AKAP6: variants seen among roughly 807,000 people sequenced by gnomAD.
The protein encoded by AKAP6 is A-kinase anchor protein 6.
Under a neutral mutation model 188.5 loss-of-function variants are expected in AKAP6, and 58 were observed. The ratio of observed to expected loss-of-function variants is 0.31; its 90% CI spans 0.25 to 0.38. The LOEUF (loss-of-function observed/expected upper bound fraction) is 0.38. AKAP6 is among the 10% of genes least tolerant of loss of function. The probability of loss-of-function intolerance (pLI) is 1.00; values close to 1 mark genes in which losing one functional copy is unlikely to be tolerated. For missense variants in AKAP6, 2,710 were observed against 2,740.0 expected, an observed-to-expected ratio of 0.99 and a Z score of 0.24; for synonymous variants, 989 against 998.6, an observed-to-expected ratio of 0.99 and a Z score of 0.18.
chr14:32,579,302 A>G (rs1467202392), intron 5 of AKAP6, among the ~76,000 whole-genome samples: 4 of 152,234 alleles, frequency 2.6e-5, no homozygotes, highest in Admixed American at 2.6e-4. Context: ...TTCTTAAGAT[A>G]TTTATTTCTT....
At chr14:32,602,245 AC>A (rs1885957181) in intron 7 of AKAP6, among the ~76,000 whole-genome samples, 1 of 152,062 alleles carries the variant, frequency 6.6e-6, no homozygotes, top group Admixed American at 6.6e-5. Flanking sequence ...ACAGTTAAAA[AC>A]TTGTTGTAGG....
Position 32,833,954 on chromosome 14 carries a change from G to A in AKAP6, c.*4149G>A, listed in dbSNP as rs1023340117. 1 of 151,996 alleles carries A rather than the reference G, an allele frequency of 6.6e-6. No individual in the cohort carries two copies. The highest frequency in any genetic ancestry group is 1.9e-4 in the East Asian group (1 of 5,194). 9.4% of individuals were successfully genotyped at this position (151,996 alleles called of 1,614,324 possible). A position where few individuals can be genotyped will look rare whatever the true frequency, so the allele number is the denominator to read the frequency against. On this transcript the variant is annotated 3_prime_UTR_variant, in exon 14 of 14. Transcript: ENST00000280979. ...ATTTCACCATATTTACTTCATCTCTGTATACACACACACTTTTTTGTATGA... is the reference window on the plus strand; with the variant it reads ...ATTTCACCATATTTACTTCATCTCTATATACACACACACTTTTTTGTATGA...
At chr14:32,537,791 T>C (rs1191928074) in intron 3 of AKAP6, among the ~76,000 whole-genome samples, 2 of 152,230 alleles carry the variant, frequency 1.3e-5, no homozygotes, top group Non-Finnish European at 2.9e-5. Flanking sequence ...TGGAATACAT[T>C]CATCATACAC....
intron 1 of AKAP6, among the ~76,000 whole-genome samples, chr14:32,429,788 T>C (rs1414991204): frequency 1.3e-5 from 2 of 152,260 alleles, no homozygotes; most frequent in Non-Finnish European, 2.9e-5. Flanking sequence ...ACATAGCATC[T>C]AGTTAGAAGT....
chr14:32,695,872 T>A, intron 8 of AKAP6, 118 bp from the exon 9 acceptor site: 2 of 1,268,392 alleles, frequency 1.6e-6, no homozygotes, highest in Non-Finnish European at 2.1e-6. Context: ...AATTTTCTCT[T>A]CTCTTATTGT....
At chr14:32,346,665 C>T (rs10137673) in intron 1 of AKAP6, among the ~76,000 whole-genome samples, 82 of 152,276 alleles carry the variant, frequency 5.4e-4, no homozygotes, top group African/African-American at 1.6e-3. Context: ...CCCGCCACCG[C>T]GCCTGGCTAA....
rs1210286427 is a variant in AKAP6 at position 32,545,775 on chromosome 14, A to G, written c.1122A>G (p.Arg374=). 1.2e-6 allele frequency: 2 copies of G among 1,614,218 alleles called. No individual in the cohort carries two copies. The highest frequency in any genetic ancestry group is 1.7e-5 in the Admixed American group (1 of 60,020). ...CENATPKRTI[R]DCFNYNEDSP... ...ATGCAACCCCCAAACGAACCATCAG[A>G]GATTGCTTTAATTATAACGAGGACT... Residue 374 remains arginine (R), a synonymous_variant, in exon 4 of 14, where the codon AGA becomes AGG. Transcript: ENST00000280979.
intron 7 of AKAP6, among the ~76,000 whole-genome samples, chr14:32,610,051 GC>G (rs1886291488): frequency 6.6e-6 from 1 of 152,122 alleles, no homozygotes. Flanking sequence ...AATGCGGTTA[GC>G]ACTCACAACG....
chr14:32,710,554 G>A (rs2139749624), intron 9 of AKAP6, among the ~76,000 whole-genome samples: 1 of 152,148 alleles, frequency 6.6e-6, no homozygotes, highest in East Asian at 1.9e-4. Flanking sequence ...ACCGAAAGCA[G>A]CCTCTGCAAG....
chr14:32,530,344 T>C (rs1170434077), intron 2 of AKAP6, among the ~76,000 whole-genome samples: 1 of 151,892 alleles, frequency 6.6e-6, no homozygotes, highest in African/African-American at 2.4e-5. Flanking sequence ...GAATTTGCCT[T>C]TCTTTCCTTC....
chr14:32,482,066 G>A (rs528109908), intron 2 of AKAP6, among the ~76,000 whole-genome samples: 1 of 152,088 alleles, frequency 6.6e-6, no homozygotes, highest in Admixed American at 6.6e-5. Context: ...CTGTATTATA[G>A]CACAACTTTC....
At chr14:32,776,070 C>T (rs974333141) in intron 12 of AKAP6, among the ~76,000 whole-genome samples, 151 of 152,266 alleles carry the variant, frequency 9.9e-4, no homozygotes, top group African/African-American at 3.5e-3. Context: ...TTGAAGTTGC[C>T]AATGTGGGAG....
intron 3 of AKAP6, among the ~76,000 whole-genome samples, chr14:32,544,318 T>C (rs1883090967): frequency 6.6e-6 from 1 of 152,242 alleles, no homozygotes; most frequent in South Asian, 2.1e-4. Flanking sequence ...CCCAGGGCTC[T>C]TCTACCCCAA....
chr14:32,335,123 C>A (rs1179595948), intron 1 of AKAP6, among the ~76,000 whole-genome samples: 2 of 152,052 alleles, frequency 1.3e-5, no homozygotes, highest in Non-Finnish European at 2.9e-5. Context: ...GCTAGTAGAG[C>A]CTTTAGAATG....
intron 2 of AKAP6, 160 bp downstream of exon 2, chr14:32,433,977 ATTC>A (rs3837673): frequency 0.064 from 43,041 of 675,770 alleles, 3,693 homozygotes; most frequent in African/African-American, 0.28. Flanking sequence ...GAAATAATTA[ATTC>A]TTCTCTGATT....
intron 1 of AKAP6, among the ~76,000 whole-genome samples, chr14:32,332,955 G>A (rs1033834564): frequency 6.6e-5 from 10 of 152,112 alleles, no homozygotes; most frequent in African/African-American, 1.9e-4. Flanking sequence ...CACGCCCAGC[G>A]TCATTATTGG....
At chr14:32,460,344 A>G (rs1891281058) in intron 2 of AKAP6, among the ~76,000 whole-genome samples, 1 of 152,228 alleles carries the variant, frequency 6.6e-6, no homozygotes, top group Non-Finnish European at 1.5e-5. Context: ...CTGAATAGCA[A>G]CAGAAAGCAG....
chr14:32,720,773 A>T (rs529350551), intron 9 of AKAP6, among the ~76,000 whole-genome samples: 27 of 152,252 alleles, frequency 1.8e-4, no homozygotes, highest in African/African-American at 6.5e-4. Flanking sequence ...TGAGCCCAGG[A>T]ACTCAAGGCT....
At chr14:32,500,929 C>G (rs1880579149) in intron 2 of AKAP6, among the ~76,000 whole-genome samples, 1 of 152,020 alleles carries the variant, frequency 6.6e-6, no homozygotes, top group Non-Finnish European at 1.5e-5. Context: ...CAAATGGACT[C>G]TTAAAGAACA....
Sources: allele counts gnomAD v4.1 joint callset (sites outside exome capture counted in the v4.1 genomes callset), GRCh38; gene constraint gnomAD v4.1.1; transcripts MANE v1.5; gene names NCBI Gene and HGNC (gene_info 2026-07-23, HGNC 2026-07-21).